Variants in TBL3 observed in about 807,000 individuals in gnomAD.
TBL3 encodes transducin beta-like protein 3.
TBL3 carries 71 observed loss-of-function variants against 102.7 expected under a neutral mutation model. That is an observed-to-expected ratio of 0.69 (90% CI 0.57 to 0.84). TBL3 has a LOEUF of 0.84. TBL3 is among the 40% of genes least tolerant of loss of function. The probability of loss-of-function intolerance (pLI) is 0.00; values close to 1 mark genes in which losing one functional copy is unlikely to be tolerated. For synonymous variants in TBL3, 578 were observed against 477.7 expected (o/e 1.21, Z -2.74); for missense variants, 1,188 against 1,098.5 (o/e 1.08, Z -1.15).
intron 1 of TBL3, 40 bp from the exon 2 acceptor site, chr16:1,974,016 G>A (rs1257579465): frequency 6.6e-6 from 10 of 1,514,168 alleles, no homozygotes; most frequent in Non-Finnish European, 8.9e-6. Flanking sequence ...GGGGACTGAG[G>A]GGGTGGGTGG....
chr16:1,979,523 G>A lies in TBL3; in HGVS notation c.*838G>A, dbSNP rs150628810. On this transcript the variant is annotated 3_prime_UTR_variant, in exon 22 of 22. Transcript: ENST00000568546. ...CTGCGCGGCTGCTCTCGTAGGCGCG[G>A]GAAGCACAGAACTGGGGACCTGGTG... 3.5e-5 allele frequency: 56 copies of A among 1,611,230 alleles called. No individual in the cohort carries two copies. The African/African-American group carries it at 6.9e-4, about 20-fold the overall frequency.
rs747822940 is a variant in TBL3, at chr16:1,976,918, C to G, written c.1397C>G (p.Pro466Arg). 1.2e-6 allele frequency: 2 copies of G among 1,613,998 alleles called. No homozygotes were observed. The highest frequency in any genetic ancestry group is 2.2e-5 in the South Asian group (2 of 91,084). ...AAGAACACAGCCCCAGACAACGGCC[C>G]TATCCTCCTGCAGGCCCAGACCACT... ...LSKNTAPDNG[P>R]ILLQAQTTQR... The change falls in exon 14 of 22, where the codon CCT becomes CGT. Residue 466 changes from proline (P) to arginine (R), a missense_variant. Transcript: ENST00000568546.
chr16:1,980,966 C>T lies in TBL3; in HGVS notation c.*2281C>T, dbSNP rs756987515. 4.3e-6 allele frequency: 7 copies of T among 1,613,156 alleles called. No individual in the cohort carries two copies. The highest frequency in any genetic ancestry group is 1.1e-5 in the South Asian group (1 of 91,090). ...TGAGCTGCCTGAATTCGTCCCAACTCCTGCGCACGAAGGTGTCGCTGCCGT... is the reference window on the plus strand; with the variant it reads ...TGAGCTGCCTGAATTCGTCCCAACTTCTGCGCACGAAGGTGTCGCTGCCGT... On this transcript the variant is annotated 3_prime_UTR_variant, in exon 22 of 22. Transcript: ENST00000568546.
In TBL3 at chr16:1,979,657, C is replaced by G; in HGVS notation, c.*972C>G. The G allele has an allele frequency of 2.5e-6, 3 of 1,202,656 alleles. No individual in the cohort carries two copies. Among genetic ancestry groups the G allele is most frequent in the Non-Finnish European group, 3.5e-6 (3 of 858,478 alleles). 74.5% of individuals were successfully genotyped at this position (1,202,656 alleles called of 1,614,324 possible). On this transcript the variant is annotated 3_prime_UTR_variant, in exon 22 of 22. Coordinates refer to ENST00000568546, the MANE Select transcript of TBL3 (RefSeq NM_006453.3). ...GCTGACGGCGGGGCCGCTCTAAGACCGGTTCGGGGCTTCCTCTAGGTGCGG... is the reference window on the plus strand; with the variant it reads ...GCTGACGGCGGGGCCGCTCTAAGACGGGTTCGGGGCTTCCTCTAGGTGCGG...
chr16:1,975,817 T>C lies in TBL3; in HGVS notation c.997T>C (p.Tyr333His), dbSNP rs1225220804. The change falls in exon 11 of 22, where the codon TAC (tyrosine) becomes CAC (histidine). Residue 333 changes from tyrosine (Y) to histidine (H), a missense_variant. By Grantham distance (83) the Tyr-to-His change is moderately conservative. Coordinates refer to ENST00000568546, the MANE Select transcript of TBL3 (RefSeq NM_006453.3). Reference sequence around the variant, plus strand: ...CCCTGCCACCCCGCAGTTCGCTGGCTACAGTGAGGAGGTTTTGGATGTCCG... The same window carrying C: ...CCCTGCCACCCCGCAGTTCGCTGGCCACAGTGAGGAGGTTTTGGATGTCCG... ...SLRLQKQFAG[Y>H]SEEVLDVRFL... 1 of 1,614,052 alleles carries C rather than the reference T, an allele frequency of 6.2e-7. No homozygotes were observed. Among genetic ancestry groups the C allele is most frequent in the Non-Finnish European group, 8.5e-7 (1 of 1,180,040 alleles).
rs762582383 is a variant in TBL3, at chr16:1,976,191, C to T, written c.1189-20C>T. ...AGTAGGCCCATGGACCAGCCTCTCT[C>T]CTCAACTCCCTGTCCCCAGGATCAG... On this transcript the variant is annotated intron_variant, in intron 12 of 21. Transcript: ENST00000568546. 2 of 1,614,112 alleles carry T rather than the reference C, an allele frequency of 1.2e-6. No individual in the cohort carries two copies. Among genetic ancestry groups the T allele is most frequent in the South Asian group, 1.1e-5 (1 of 91,082 alleles).
Position 1,980,018 on chromosome 16 carries a change from C to T in TBL3, c.*1333C>T, listed in dbSNP as rs374290560. 2.6e-5 allele frequency: 41 copies of T among 1,605,728 alleles called. No homozygotes were observed. The highest frequency in any genetic ancestry group is 3.4e-5 in the Non-Finnish European group (40 of 1,177,454). Reference sequence around the variant, plus strand: ...CTACCTGAGGGGTGCCGCAGCAGCACGTCCAGGCTCTCCTGGGCCTGCGCC... The same window carrying T: ...CTACCTGAGGGGTGCCGCAGCAGCATGTCCAGGCTCTCCTGGGCCTGCGCC... On this transcript the variant is annotated 3_prime_UTR_variant, in exon 22 of 22. Coordinates refer to ENST00000568546, the MANE Select transcript of TBL3 (RefSeq NM_006453.3).
chr16:1,975,473 GC>G, intron 9 of TBL3, 35 bp downstream of exon 9: 1 of 1,608,450 alleles, frequency 6.2e-7, no homozygotes, highest in Non-Finnish European at 8.5e-7. Flanking sequence ...GGCGGTAGGG[GC>G]TGGGGAAGGC....
chr16:1,974,893 G>A (rs1388842910), intron 6 of TBL3, 35 bp from the exon 7 acceptor site: 6 of 1,612,718 alleles, frequency 3.7e-6, no homozygotes, highest in Admixed American at 1.7e-5. Flanking sequence ...CACCCAGGCT[G>A]CACAGCTCAC....
intron 1 of TBL3, among the ~76,000 whole-genome samples, chr16:1,973,208 G>A (rs1261675975): frequency 6.6e-6 from 1 of 152,170 alleles, no homozygotes; most frequent in Non-Finnish European, 1.5e-5. Context: ...TTTGGAGGCC[G>A]AAGCGGGCGG....
chr16:1,980,695 G>A lies in TBL3; in HGVS notation c.*2010G>A, dbSNP rs1199553970. 2.5e-6 allele frequency: 4 copies of A among 1,606,874 alleles called. No homozygotes were observed. Among genetic ancestry groups the A allele is most frequent in the Non-Finnish European group, 2.5e-6 (3 of 1,177,076 alleles). Reference sequence around the variant, plus strand: ...AGAACGCGGTCAGATCTCCGCAGCAGGCCCGCCTCCACCGGGAAGGTCTCC... The same window carrying A: ...AGAACGCGGTCAGATCTCCGCAGCAAGCCCGCCTCCACCGGGAAGGTCTCC... On this transcript the variant is annotated 3_prime_UTR_variant, in exon 22 of 22. Coordinates refer to ENST00000568546, the MANE Select transcript of TBL3 (RefSeq NM_006453.3).
rs890141807 is a variant in TBL3, at chr16:1,978,780, C to T, written c.*95C>T. Reference sequence around the variant, plus strand: ...TCTGTCTCTCTGGACTGCAGTCCAGCCCCCCACCCTGGCCAACACCCTACC... The same window carrying T: ...TCTGTCTCTCTGGACTGCAGTCCAGTCCCCCACCCTGGCCAACACCCTACC... On this transcript the variant is annotated 3_prime_UTR_variant, in exon 22 of 22. Transcript: ENST00000568546. The T allele has an allele frequency of 2.1e-6, 3 of 1,440,174 alleles. No individual in the cohort carries two copies. Among genetic ancestry groups the T allele is most frequent in the Non-Finnish European group, 2.8e-6 (3 of 1,059,416 alleles). 89.2% of individuals were successfully genotyped at this position (1,440,174 alleles called of 1,614,324 possible).
Position 1,980,134 on chromosome 16 carries a change from G to A in TBL3, c.*1449G>A, listed in dbSNP as rs1284561601. On this transcript the variant is annotated 3_prime_UTR_variant, in exon 22 of 22. Transcript: ENST00000568546. ...CAGACTGTGGATGGAGAGGCGGCCC[G>A]CAGCGCGAGAAAGAGGCTGCTCCTC... is the stretch of plus-strand genomic sequence containing the variant. 2 of 1,606,076 alleles carry A rather than the reference G, an allele frequency of 1.2e-6. No homozygotes were observed. Among genetic ancestry groups the A allele is most frequent in the Non-Finnish European group, 1.7e-6 (2 of 1,178,410 alleles).
rs767644410 is a variant in TBL3, at chr16:1,980,597, C to T, written c.*1912C>T. 3.5e-5 allele frequency: 55 copies of T among 1,590,304 alleles called. No homozygotes were observed. The highest frequency in any genetic ancestry group is 4.6e-5 in the Non-Finnish European group (54 of 1,166,954). Reference sequence around the variant, plus strand: ...ATACGCCGCTTTGGGCTTCACTGGTCCCTGGCGCCCCCAGGCAAGCCACCG... The same window carrying T: ...ATACGCCGCTTTGGGCTTCACTGGTTCCTGGCGCCCCCAGGCAAGCCACCG... On this transcript the variant is annotated 3_prime_UTR_variant, in exon 22 of 22. Transcript: ENST00000568546.
At position 1,978,693 on chromosome 16, in the gene TBL3, G is replaced by A. The variant is rs370095882; in HGVS notation, c.*8G>A. On this transcript the variant is annotated 3_prime_UTR_variant, in exon 22 of 22. Transcript: ENST00000568546. ...AAAGGCGCACTGCCCTAGCCGGTCC[G>A]GCCTCTCTCCAGTCCATCCTGAACC... 326 of 1,604,920 alleles carry A rather than the reference G, an allele frequency of 2.0e-4. No homozygotes were observed. Among genetic ancestry groups the A allele is most frequent in the Non-Finnish European group, 2.4e-4 (281 of 1,174,104 alleles).
rs898390303 is a variant in TBL3, at chr16:1,982,598, C to T, written c.*3913C>T. On this transcript the variant is annotated 3_prime_UTR_variant, in exon 22 of 22. Coordinates refer to ENST00000568546, the MANE Select transcript of TBL3 (RefSeq NM_006453.3). ...TGCCTGAATAGTACACCCCACCCTC[C>T]ATCTGTATGCTCCTCACTTGCCCCT... The T allele has an allele frequency of 6.6e-6, 1 of 152,340 alleles. No homozygotes were observed. Among genetic ancestry groups the T allele is most frequent in the Non-Finnish European group, 1.5e-5 (1 of 68,154 alleles). The allele number at this position is 152,340 out of a possible 1,614,324, so 9.4% of individuals were successfully genotyped here.
At position 1,974,241 on chromosome 16, in the gene TBL3, A is replaced by C. The variant is rs778557708; in HGVS notation, c.138A>C (p.Arg46Ser). 6.2e-7 allele frequency: 1 copy of C among 1,604,166 alleles called. No homozygotes were observed. The highest frequency in any genetic ancestry group is 8.5e-7 in the Non-Finnish European group (1 of 1,174,448). Residue 46 changes from arginine to serine, a missense_variant, in exon 3 of 22, where the codon AGA (arginine) becomes AGC (serine). Transcript: ENST00000568546. ...GQHLFCVCGT[R>S]VNILEVASGA... ...ACCTCTTCTGCGTCTGTGGCACCAGAGTCAACATTCTGGAAGTGGCCTCGG... is the reference window on the plus strand; with the variant it reads ...ACCTCTTCTGCGTCTGTGGCACCAGCGTCAACATTCTGGAAGTGGCCTCGG...
Position 1,977,122 on chromosome 16 carries a change from C to G in TBL3, c.1509C>G (p.Ala503=). Residue 503 remains alanine (A), a synonymous_variant, in exon 15 of 22, where the codon GCC becomes GCG. Transcript: ENST00000568546. The part of the protein sequence containing the change: ...LLATGSQDRT[A]KLWALPQCQL... ...CCACAGGCTCACAGGACCGCACGGC[C>G]AAGCTCTGGGCCCTGCCACAGTGCC... The G allele has an allele frequency of 6.2e-7, 1 of 1,613,100 alleles. No individual in the cohort carries two copies. Among genetic ancestry groups the G allele is most frequent in the Non-Finnish European group, 8.5e-7 (1 of 1,180,018 alleles).
At chr16:1,973,964 G>A (rs1224140062) in intron 1 of TBL3, 92 bp from the exon 2 acceptor site, 1 of 1,354,820 alleles carries the variant, frequency 7.4e-7, no homozygotes. Context: ...AGGGGCCATT[G>A]GGGTCACTTG....
Sources: allele counts gnomAD v4.1 joint callset (sites outside exome capture counted in the v4.1 genomes callset), GRCh38; gene constraint gnomAD v4.1.1; transcripts MANE v1.5; gene names NCBI Gene and HGNC (gene_info 2026-07-23, HGNC 2026-07-21).